Variants in TCF4 observed in about 807,000 individuals in gnomAD.
TCF4 encodes the protein transcription factor 4.
In TCF4, 3 loss-of-function variants were observed where a neutral mutation model predicts 82.1. The ratio of observed to expected loss-of-function variants is 0.04; its 90% CI spans 0.02 to 0.09. The LOEUF is 0.09. TCF4 is among the 10% of genes least tolerant of loss of function. The probability of loss-of-function intolerance (pLI) is 1.00; values close to 1 mark genes in which losing one functional copy is unlikely to be tolerated. For missense variants in TCF4, 518 were observed against 852.7 expected, an observed-to-expected ratio of 0.61 and a Z score of 4.89; for synonymous variants, 276 against 309.6, an observed-to-expected ratio of 0.89 and a Z score of 1.14.
intron 6 of TCF4, among the ~76,000 whole-genome samples, chr18:55,385,571 T>C (rs909885282): frequency 6.6e-6 from 1 of 152,162 alleles, no homozygotes; most frequent in Non-Finnish European, 1.5e-5. Flanking sequence ...CCTGCTAATT[T>C]TGTATTTTTA....
At chr18:55,592,276 G>A (rs1380342033), upstream of TCF4, among the ~76,000 whole-genome samples, 1 of 152,126 alleles carries the variant, frequency 6.6e-6, no homozygotes, top group Non-Finnish European at 1.5e-5. Flanking sequence ...CACAGACTGG[G>A]TGACTTCAAC....
At chr18:55,427,324 C>T (rs2095031329) in intron 5 of TCF4, among the ~76,000 whole-genome samples, 1 of 152,174 alleles carries the variant, frequency 6.6e-6, no homozygotes, top group African/African-American at 2.4e-5. Context: ...CAATAGCTAG[C>T]TGTATGAGTG....
At chr18:55,347,183 A>C (rs545452010) in intron 8 of TCF4, among the ~76,000 whole-genome samples, 1 of 152,320 alleles carries the variant, frequency 6.6e-6, no homozygotes, top group East Asian at 1.9e-4. Context: ...ACACTTTATT[A>C]CTAAGGTCTT....
intron 8 of TCF4, among the ~76,000 whole-genome samples, chr18:55,294,946 C>T (rs954842135): frequency 1.3e-5 from 2 of 152,198 alleles, no homozygotes; most frequent in African/African-American, 4.8e-5. Context: ...TGACTTTAAT[C>T]TTCCTCCCAA....
intron 15 of TCF4, among the ~76,000 whole-genome samples, chr18:55,238,503 T>A (rs1022305497): frequency 6.6e-6 from 1 of 152,220 alleles, no homozygotes; most frequent in African/African-American, 2.4e-5. Context: ...GTGGAACTCA[T>A]AATGATTCTT....
chr18:55,399,494 G>C (rs916669675), intron 6 of TCF4, among the ~76,000 whole-genome samples: 1 of 152,180 alleles, frequency 6.6e-6, no homozygotes, highest in Non-Finnish European at 1.5e-5. Flanking sequence ...GACTTCACTA[G>C]AGAAAACAAG....
chr18:55,546,666 A>G (rs2097209979), intron 3 of TCF4, among the ~76,000 whole-genome samples: 1 of 152,260 alleles, frequency 6.6e-6, no homozygotes, highest in Non-Finnish European at 1.5e-5. Context: ...GGGTTCCCCA[A>G]AATTAACCAG....
intron 2 of TCF4, among the ~76,000 whole-genome samples, chr18:55,604,416 C>T (rs1222674232): frequency 6.6e-6 from 1 of 151,936 alleles, no homozygotes; most frequent in Non-Finnish European, 1.5e-5. Flanking sequence ...GTGAGATGGG[C>T]CTTGCTGTGC....
intron 6 of TCF4, among the ~76,000 whole-genome samples, chr18:55,369,850 A>G (rs2088429842): frequency 6.6e-6 from 1 of 152,226 alleles, no homozygotes. Flanking sequence ...TCAGCTTGTC[A>G]ATCTGCAGAA....
At chr18:55,459,726 T>C (rs1370722867) in intron 5 of TCF4, among the ~76,000 whole-genome samples, 3 of 152,162 alleles carry the variant, frequency 2.0e-5, no homozygotes, top group Non-Finnish European at 4.4e-5. Context: ...ACAATGCACC[T>C]TTCTATCAAC....
chr18:55,234,353 G>T, intron 16 of TCF4, 195 bp downstream of exon 16: 3 of 729,340 alleles, frequency 4.1e-6, no homozygotes, highest in East Asian at 2.7e-5. Context: ...GATGTTTGAG[G>T]AAAACAGTCC....
chr18:55,569,284 T>C (rs2097438581), intron 3 of TCF4, among the ~76,000 whole-genome samples: 1 of 150,246 alleles, frequency 6.7e-6, no homozygotes. Context: ...TCACACATGA[T>C]GTGACAGATC....
chr18:55,526,901 A>C (rs1384470547), intron 3 of TCF4, among the ~76,000 whole-genome samples: 2 of 152,210 alleles, frequency 1.3e-5, no homozygotes, highest in African/African-American at 4.8e-5. Context: ...ATAAAGGGGT[A>C]TATATACATT....
At chr18:55,496,331 C>T (rs1160943401) in intron 3 of TCF4, 2 of 151,642 alleles carry the variant, frequency 1.3e-5, no homozygotes, top group Admixed American at 6.6e-5. Flanking sequence ...TCCTCAGATA[C>T]TCATAACTCT....
chr18:55,415,760 G>A (rs984556191), intron 5 of TCF4, among the ~76,000 whole-genome samples: 1 of 152,086 alleles, frequency 6.6e-6, no homozygotes, highest in Non-Finnish European at 1.5e-5. Context: ...AGTTTTTATT[G>A]CCCTATCTGA....
intron 3 of TCF4, among the ~76,000 whole-genome samples, chr18:55,567,737 C>T (rs2097422415): frequency 6.6e-6 from 1 of 151,554 alleles, no homozygotes; most frequent in East Asian, 1.9e-4. Context: ...ACACAATCAA[C>T]AAGCTTTAAT....
chr18:55,370,346 C>T (rs905213327), intron 6 of TCF4, among the ~76,000 whole-genome samples: 19 of 151,956 alleles, frequency 1.3e-4, no homozygotes, highest in Admixed American at 2.6e-4. Context: ...GTCAAGGGGA[C>T]GGTAAGCTCT....
intron 9 of TCF4, among the ~76,000 whole-genome samples, chr18:55,279,339 A>G (rs1051148048): frequency 1.3e-5 from 2 of 152,202 alleles, no homozygotes; most frequent in African/African-American, 4.8e-5. Flanking sequence ...ATCTTAACCC[A>G]TTACTGCTTA....
chr18:55,523,782 T>G (rs998724406), intron 3 of TCF4, among the ~76,000 whole-genome samples: 2 of 152,096 alleles, frequency 1.3e-5, no homozygotes, highest in Non-Finnish European at 2.9e-5. Context: ...CTAAATGTTC[T>G]GCAATACATA....
Sources: allele counts gnomAD v4.1 joint callset (sites outside exome capture counted in the v4.1 genomes callset), GRCh38; gene constraint gnomAD v4.1.1; transcripts MANE v1.5; gene names NCBI Gene and HGNC (gene_info 2026-07-23, HGNC 2026-07-21).